ATP2B1: variants seen among roughly 807,000 people sequenced by gnomAD.
The protein encoded by ATP2B1 is plasma membrane calcium-transporting ATPase 1.
ATP2B1 carries 14 observed loss-of-function variants against 124.2 expected under a neutral mutation model. That is an observed-to-expected ratio of 0.11 (90% confidence interval 0.07 to 0.18). The LOEUF (loss-of-function observed/expected upper bound fraction) is 0.18, where lower values mean the gene tolerates loss of function less well. Among genes scored for constraint, ATP2B1 ranks in the 10% least tolerant of loss-of-function variants. ATP2B1 has a pLI of 1.00. For missense variants in ATP2B1, 763 were observed against 1,466.1 expected (o/e 0.52, Z 7.83); for synonymous variants, 449 against 492.4 (o/e 0.91, Z 1.17).
At position 89,591,168 on chromosome 12, in the gene ATP2B1, G is replaced by C; in HGVS notation, c.3479C>G (p.Pro1160Arg). 6.2e-7 allele frequency: 1 copy of C among 1,613,198 alleles called. No individual in the cohort carries two copies. The highest frequency in any genetic ancestry group is 8.5e-7 in the Non-Finnish European group (1 of 1,179,368). The part of the protein sequence containing the change: ...FRIEDSEPHI[P>R]LIDDTDAEDD... Reference sequence around the variant, plus strand: ...TTCGGCATCAGTGTCATCAATAAGGGGGATATGAGGCTCTGAATCTTCTAT... The same window carrying C: ...TTCGGCATCAGTGTCATCAATAAGGCGGATATGAGGCTCTGAATCTTCTAT... The change falls in exon 21 of 21, where the codon CCC (proline) becomes CGC (arginine). Residue 1160 changes from proline to arginine, a missense_variant. Pro to Arg is a moderately radical substitution (Grantham distance 103). This residue lies in a region of ATP2B1 where 97 missense variants were observed against 94.7 expected (regional missense o/e 1.02). Transcript: ENST00000428670.
At chr12:89,673,383 A>G (rs1287768188) in intron 1 of ATP2B1, among the ~76,000 whole-genome samples, 2 of 152,228 alleles carry the variant, frequency 1.3e-5, no homozygotes, top group Admixed American at 6.5e-5. Context: ...ATTTCAAAGT[A>G]TCCACCACTT....
Position 89,590,799 on chromosome 12 carries a change from A to C in ATP2B1, c.*185T>G, listed in dbSNP as rs1592682086. The C allele has an allele frequency of 6.4e-6, 4 of 629,718 alleles. No individual in the cohort carries two copies. In the South Asian group the frequency reaches 8.8e-5, roughly 14 times the overall value. The allele number at this position is 629,718 out of a possible 1,614,324, so 39.0% of individuals were successfully genotyped here. A position where few individuals can be genotyped will look rare whatever the true frequency, so the allele number is the denominator to read the frequency against. On this transcript the variant is annotated 3_prime_UTR_variant, in exon 21 of 21. Coordinates refer to ENST00000428670, the MANE Select transcript of ATP2B1 (RefSeq NM_001366521.1). ...TCATTTCTCCCACCCCCCAAAAAGC[A>C]CCCTCAGTCTGGCAGAAAGCTTTGC...
chr12:89,621,843 C>A (rs768908031), intron 9 of ATP2B1, 52 bp from the exon 10 acceptor site: 7 of 1,403,598 alleles, frequency 5.0e-6, no homozygotes, highest in Non-Finnish European at 6.6e-6. Flanking sequence ...AAACCAATCA[C>A]CTCATTACAT....
At chr12:89,626,412 T>G (rs1399453702) in intron 8 of ATP2B1, 42 bp downstream of exon 8, 1 of 1,535,088 alleles carries the variant, frequency 6.5e-7, no homozygotes, top group Non-Finnish European at 8.7e-7. Flanking sequence ...GCAGAAAGCA[T>G]ACTTAAAAAT....
rs1873504030 is a variant in ATP2B1, at chr12:89,591,255, C to A, written c.3392G>T (p.Gly1131Val). The change falls in exon 21 of 21, where the codon GGG becomes GTG. Residue 1131 changes from glycine (G) to valine (V), a missense_variant. Gly to Val is a moderately radical substitution (Grantham distance 109). Coordinates refer to ENST00000428670, the MANE Select transcript of ATP2B1 (RefSeq NM_001366521.1). ...ACTTCTTGATTCCGGTTTTTCTAAC[C>A]CTTCATATAAAGAACTACGAAATGC... is the stretch of plus-strand genomic sequence containing the variant. The part of the protein sequence containing the change: ...VNAFRSSLYE[G>V]LEKPESRSSI... The A allele has an allele frequency of 6.2e-7, 1 of 1,612,016 alleles. No homozygotes were observed. Among genetic ancestry groups the A allele is most frequent in the African/African-American group, 1.3e-5 (1 of 74,778 alleles).
chr12:89,630,691 C>A, intron 5 of ATP2B1, 46 bp from the exon 6 acceptor site: 1 of 1,351,746 alleles, frequency 7.4e-7, no homozygotes, highest in South Asian at 2.3e-5. Context: ...TGATAGATCT[C>A]CTTGCTACCA....
intron 1 of ATP2B1, among the ~76,000 whole-genome samples, chr12:89,672,585 G>A (rs1045712199): frequency 2.6e-5 from 4 of 151,952 alleles, no homozygotes; most frequent in Non-Finnish European, 5.9e-5. Context: ...CCTTGTACAC[G>A]TCTCTTGCCT....
intron 1 of ATP2B1, among the ~76,000 whole-genome samples, chr12:89,685,897 A>T (rs551288388): frequency 1.3e-5 from 2 of 152,238 alleles, no homozygotes; most frequent in Non-Finnish European, 2.9e-5. Flanking sequence ...CACAGCAAGA[A>T]GAAGGCCATC....
chr12:89,678,864 A>G (rs1040646716), intron 1 of ATP2B1, among the ~76,000 whole-genome samples: 6 of 152,210 alleles, frequency 3.9e-5, no homozygotes, highest in Non-Finnish European at 8.8e-5. Flanking sequence ...TGTGGTGGTC[A>G]ATATGCTAGG....
intron 20 of ATP2B1, among the ~76,000 whole-genome samples, chr12:89,597,278 C>T (rs1431125819): frequency 6.6e-6 from 1 of 152,112 alleles, no homozygotes; most frequent in Admixed American, 6.6e-5. Context: ...TTATGGTTAC[C>T]ATTTTATTCA....
chr12:89,627,611 T>C (rs1881102752), intron 7 of ATP2B1, 67 bp downstream of exon 7: 9 of 1,523,692 alleles, frequency 5.9e-6, no homozygotes, highest in Admixed American at 1.7e-5. Flanking sequence ...TGAATAAATA[T>C]GGTATACAGT....
intron 2 of ATP2B1, among the ~76,000 whole-genome samples, chr12:89,654,156 A>T (rs1393029705): frequency 6.6e-6 from 1 of 152,202 alleles, no homozygotes; most frequent in African/African-American, 2.4e-5. Flanking sequence ...CGGTTTGCAT[A>T]ATGAACAAGC....
At chr12:89,672,535 A>G (rs1592935035) in intron 1 of ATP2B1, among the ~76,000 whole-genome samples, 2 of 152,194 alleles carry the variant, frequency 1.3e-5, no homozygotes, top group South Asian at 2.1e-4. Flanking sequence ...TTCCTTTCTT[A>G]TCTAGCACAT....
chr12:89,695,965 A>T (rs755523906), intron 1 of ATP2B1, among the ~76,000 whole-genome samples: 1 of 152,232 alleles, frequency 6.6e-6, no homozygotes, highest in Non-Finnish European at 1.5e-5. Context: ...TATAAGATGC[A>T]GAAGTCCAGT....
chr12:89,614,932 C>A (rs1027019759), intron 12 of ATP2B1, among the ~76,000 whole-genome samples: 10 of 152,122 alleles, frequency 6.6e-5, no homozygotes, highest in Admixed American at 3.3e-4. Flanking sequence ...TGCTTCTACT[C>A]TTCTTCATCT....
At chr12:89,667,219 C>T (rs565879622) in intron 1 of ATP2B1, among the ~76,000 whole-genome samples, 2 of 152,246 alleles carry the variant, frequency 1.3e-5, no homozygotes, top group African/African-American at 4.8e-5. Flanking sequence ...TTCTATTAGC[C>T]ATCATCTATT....
intron 20 of ATP2B1, among the ~76,000 whole-genome samples, chr12:89,591,861 T>C (rs1025660705): frequency 2.6e-5 from 4 of 152,078 alleles, no homozygotes; most frequent in African/African-American, 9.7e-5. Context: ...TAAATGTCTA[T>C]AAAATGCCAT....
intron 6 of ATP2B1, among the ~76,000 whole-genome samples, chr12:89,628,648 C>A (rs1020350492): frequency 4.6e-5 from 7 of 152,122 alleles, no homozygotes; most frequent in African/African-American, 1.7e-4. Flanking sequence ...GGCCTATTGT[C>A]TGGAGTAGGC....
Position 89,642,335 on chromosome 12 carries a change from C to A in ATP2B1, c.229G>T (p.Asp77Tyr). 1 of 1,613,156 alleles carries A rather than the reference C, an allele frequency of 6.2e-7. No homozygotes were observed. Among genetic ancestry groups the A allele is most frequent in the South Asian group, 1.1e-5 (1 of 90,918 alleles). ...AACACTGCTTCTCTTCTTTCTAAATCTGCAGGGTTTCCACTTAAACCTAAT... is the reference window on the plus strand; with the variant it reads ...AACACTGCTTCTCTTCTTTCTAAATATGCAGGGTTTCCACTTAAACCTAAT... ...PNEGLSGNPA[D>Y]LERREAVFGK... is the part of the protein sequence containing the mutation. Residue 77 changes from aspartate to tyrosine, a missense_variant, in exon 3 of 21, where the codon GAT (aspartate) becomes TAT (tyrosine). Physicochemically the swap from Asp to Tyr is radical, Grantham distance 160 (BLOSUM62 -3). This residue lies in a region of ATP2B1 where 93 missense variants were observed against 112.7 expected (regional missense o/e 0.83). Coordinates refer to ENST00000428670, the MANE Select transcript of ATP2B1 (RefSeq NM_001366521.1).
Sources: gnomAD v4.1 joint callset for allele counts (sites outside exome capture counted in the v4.1 genomes callset) on GRCh38, gnomAD v4.1.1 for gene constraint, gnomAD v4.1.1 regional missense constraint, MANE v1.5 for transcripts, NCBI Gene and HGNC (gene_info 2026-07-23, HGNC 2026-07-21) for gene names.